Variants in OCA2 observed in about 807,000 individuals in gnomAD.
OCA2 encodes the protein OCA2 melanosomal transmembrane protein.
A neutral mutation model predicts 100.2 loss-of-function variants in OCA2; 77 were observed. The observed-to-expected ratio is 0.77, with a 90% confidence interval of 0.64 to 0.93. The LOEUF (loss-of-function observed/expected upper bound fraction) is 0.93. OCA2 is among the 40% of genes least tolerant of loss of function. The pLI is 0.00. For synonymous variants in OCA2, 432 were observed against 439.2 expected (o/e 0.98, Z 0.21); for missense variants, 1,062 against 1,089.1 (o/e 0.98, Z 0.35).
At chr15:28,060,462 TTCC>T (rs2043839387) in intron 2 of OCA2, among the ~76,000 whole-genome samples, 1 of 152,234 alleles carries the variant, frequency 6.6e-6, no homozygotes, top group African/African-American at 2.4e-5. Flanking sequence ...AGAAAAGCAC[TTCC>T]ACTTAGTATC....
chr15:27,955,324 G>A, intron 16 of OCA2, 109 bp from the exon 17 acceptor site: 4 of 837,068 alleles, frequency 4.8e-6, no homozygotes, highest in Non-Finnish European at 6.3e-6. Context: ...GTGACTTGGA[G>A]CCTGGCTGGC....
rs557523050 is a variant in OCA2, at chr15:27,845,528, A to G, written c.2339-476T>C. Among the ~76,000 whole-genome samples, 5 of 152,256 alleles carry G rather than the reference A, an allele frequency of 3.3e-5. No homozygotes were observed. The South Asian group carries it at 1.0e-3, about 32-fold the overall frequency. On this transcript the variant is annotated intron_variant, in intron 22 of 23. Transcript: ENST00000354638. ...ACCCCTTTCCTTCACGTCTTCACCAATGGCATCTCCTTGACATAAAACACC... is the reference window on the plus strand; with the variant it reads ...ACCCCTTTCCTTCACGTCTTCACCAGTGGCATCTCCTTGACATAAAACACC...
chr15:28,016,714 C>A (rs550091727), intron 7 of OCA2, among the ~76,000 whole-genome samples: 41 of 152,130 alleles, frequency 2.7e-4, no homozygotes, highest in African/African-American at 9.6e-4. Flanking sequence ...CCAGAAGTTC[C>A]AAGTTACAGT....
intron 19 of OCA2, chr15:27,896,490 T>A: frequency 1.8e-6 from 1 of 562,788 alleles, no homozygotes; most frequent in South Asian, 1.9e-5. Flanking sequence ...GAAGTGGAAC[T>A]GTCCCAAAAT....
intron 14 of OCA2, among the ~76,000 whole-genome samples, chr15:27,968,037 G>C (rs2040635291): frequency 6.6e-6 from 1 of 152,318 alleles, no homozygotes; most frequent in South Asian, 2.1e-4. Flanking sequence ...AGCGTCATTG[G>C]TTGGTTCTGC....
chr15:27,770,857 T>TTC (rs1566949067), intron 23 of OCA2, among the ~76,000 whole-genome samples: 1 of 78,040 alleles, frequency 1.3e-5, no homozygotes, highest in African/African-American at 6.6e-5. Flanking sequence ...TTCCTTCCTT[T>TTC]CTTCCTTCCT....
chr15:27,843,870 G>A (rs1272185442), intron 23 of OCA2, among the ~76,000 whole-genome samples: 1 of 152,148 alleles, frequency 6.6e-6, no homozygotes, highest in Non-Finnish European at 1.5e-5. Flanking sequence ...CTGGTGCAGG[G>A]ATCGCTGTCT....
At chr15:27,986,545 A>T (rs1294287136) in intron 12 of OCA2, 42 bp downstream of exon 12, 1 of 1,154,530 alleles carries the variant, frequency 8.7e-7, no homozygotes, top group Non-Finnish European at 1.3e-6. Context: ...TACATATATA[A>T]ATTAATCAGG....
chr15:27,856,058 C>T (rs922387244), intron 21 of OCA2, among the ~76,000 whole-genome samples: 2 of 152,132 alleles, frequency 1.3e-5, no homozygotes, highest in African/African-American at 4.8e-5. Flanking sequence ...TCCTTCCTTG[C>T]CCCACTGGTG....
chr15:27,895,581 C>T (rs1202793708), intron 19 of OCA2: 1 of 164,250 alleles, frequency 6.1e-6, no homozygotes, highest in African/African-American at 2.4e-5. Context: ...GGCATTTTGC[C>T]CCTTCCCTAG....
Position 27,891,838 on chromosome 15 carries a change from G to A in OCA2, c.2080-19916C>T, listed in dbSNP as rs151277078. Among the ~76,000 whole-genome samples the A allele has an allele frequency of 2.6e-4, 40 of 151,852 alleles. No homozygotes were observed. In the East Asian group the frequency reaches 4.8e-3, roughly 18 times the overall value. The stretch of plus-strand genomic sequence containing the variant: ...ACATATCAACCAAAACACAGAGACC[G>A]GAAGAAAGGATTGAAAAAATAACCC... On this transcript the variant is annotated intron_variant, in intron 19 of 23. Coordinates refer to ENST00000354638, the MANE Select transcript of OCA2 (RefSeq NM_000275.3).
the OCA2 span, among the ~76,000 whole-genome samples, chr15:27,723,924 C>T: frequency 6.6e-6 from 1 of 152,200 alleles, no homozygotes; most frequent in Non-Finnish European, 1.5e-5. Flanking sequence ...CAACCTCCTC[C>T]TCACAATGCC....
Position 27,791,886 on chromosome 15 carries a change from A to T in OCA2, c.2433-36414T>A, listed in dbSNP as rs567819799. 2.6e-5 allele frequency among the ~76,000 whole-genome samples: 4 copies of T among 152,256 alleles called. No homozygotes were observed. In the East Asian group the frequency reaches 7.7e-4, roughly 29 times the overall value. ...AGGAAACATTTGCCAATGTTTTATG[A>T]TGGAGTGGAGCTGACTTCCTAATCT... On this transcript the variant is annotated intron_variant, in intron 23 of 23. Coordinates refer to ENST00000354638, the MANE Select transcript of OCA2 (RefSeq NM_000275.3).
chr15:28,030,596 T>A (rs1423322726), intron 3 of OCA2, among the ~76,000 whole-genome samples: 2 of 152,136 alleles, frequency 1.3e-5, no homozygotes, highest in Admixed American at 1.3e-4. Flanking sequence ...AGGACAGGAA[T>A]GCACATGGCA....
At chr15:28,084,543 G>A (rs1289839077) in intron 1 of OCA2, among the ~76,000 whole-genome samples, 4 of 152,142 alleles carry the variant, frequency 2.6e-5, no homozygotes, top group Admixed American at 1.3e-4. Context: ...AAGCACACAC[G>A]TGTATAATCT....
chr15:27,983,557 T>G, intron 13 of OCA2, 74 bp from the exon 14 acceptor site: 1 of 1,546,552 alleles, frequency 6.5e-7, no homozygotes, highest in Non-Finnish European at 8.9e-7. Context: ...ACCCAGAGAT[T>G]TTTAAGGCGC....
At chr15:28,019,267 G>A (rs1357164632) in intron 6 of OCA2, among the ~76,000 whole-genome samples, 8 of 151,998 alleles carry the variant, frequency 5.3e-5, no homozygotes, top group African/African-American at 1.9e-4. Context: ...GGGAGGGAGA[G>A]AGAAAGGGAG....
At chr15:27,921,371 A>ACT (rs2038853020) in intron 19 of OCA2, among the ~76,000 whole-genome samples, 1 of 152,254 alleles carries the variant, frequency 6.6e-6, no homozygotes, top group Admixed American at 6.5e-5. Context: ...TATTTTAAAA[A>ACT]GACAAAATAA....
In OCA2 at chr15:27,969,905, TA is replaced by T. The variant is rs34786123; in HGVS notation, c.1504-3084del. ...TCTTGAATTCTTCCATGTGAAAATT[TA>T]AAAAAAAAAAAAAGCTTCTTATGAA... On this transcript the variant is annotated intron_variant, in intron 14 of 23. Transcript: ENST00000354638. 2.7e-3 allele frequency among the ~76,000 whole-genome samples: 393 copies of T among 144,282 alleles called. 1 individual carries two copies. Among genetic ancestry groups the T allele is most frequent in the African/African-American group, 8.5e-3 (327 of 38,644 alleles). The allele number at this position is 144,282 out of a possible 152,430, so 94.7% of individuals were successfully genotyped here. A position where few individuals can be genotyped will look rare whatever the true frequency, so the allele number is the denominator to read the frequency against.
Sources: gnomAD v4.1 joint callset for allele counts (sites outside exome capture counted in the v4.1 genomes callset) on GRCh38, gnomAD v4.1.1 for gene constraint, MANE v1.5 for transcripts, NCBI Gene and HGNC (gene_info 2026-07-23, HGNC 2026-07-21) for gene names.